LINGO2: variants seen among roughly 807,000 people sequenced by gnomAD.
LINGO2 encodes leucine rich repeat and Ig domain containing 2.
LINGO2 carries 14 observed loss-of-function variants against 30.6 expected under a neutral mutation model. That is an observed-to-expected ratio of 0.46 (90% CI 0.30 to 0.72). The LOEUF is 0.72. Ranked by LOEUF, LINGO2 falls within the 30% of genes least tolerant of loss-of-function variation. LINGO2 has a pLI of 0.07. For synonymous variants in LINGO2, 317 were observed against 288.5 expected, an observed-to-expected ratio of 1.10 and a Z score of -1.00; for missense variants, 729 against 751.7, an observed-to-expected ratio of 0.97 and a Z score of 0.35.
chr9:29,171,686 G>A, the LINGO2 span, among the ~76,000 whole-genome samples: 1 of 151,800 alleles, frequency 6.6e-6, no homozygotes, highest in Non-Finnish European at 1.5e-5. Flanking sequence ...TAATAAGGTA[G>A]AGGAATATCA....
chr9:28,617,761 A>T (rs1826205177), intron 1 of LINGO2, among the ~76,000 whole-genome samples: 1 of 152,070 alleles, frequency 6.6e-6, no homozygotes, highest in Non-Finnish European at 1.5e-5. Context: ...ACCTTACGTA[A>T]AACTTTGATT....
At chr9:28,076,347 A>C (rs1273745766) in intron 4 of LINGO2, among the ~76,000 whole-genome samples, 2 of 152,102 alleles carry the variant, frequency 1.3e-5, no homozygotes, top group African/African-American at 2.4e-5. Flanking sequence ...GAACATGCAT[A>C]CTTAATAAAA....
intron 4 of LINGO2, among the ~76,000 whole-genome samples, chr9:28,227,236 G>C: frequency 6.6e-6 from 1 of 152,028 alleles, no homozygotes; most frequent in Non-Finnish European, 1.5e-5. Context: ...GTAAAATCCA[G>C]ACATCCCCAG....
the LINGO2 span, among the ~76,000 whole-genome samples, chr9:28,786,407 T>C: frequency 3.9e-5 from 6 of 152,150 alleles, no homozygotes; most frequent in Non-Finnish European, 8.8e-5. Context: ...TTATTTATTT[T>C]TATATATTCT....
intron 4 of LINGO2, among the ~76,000 whole-genome samples, chr9:28,262,958 C>G (rs1418939029): frequency 6.6e-6 from 1 of 152,008 alleles, no homozygotes; most frequent in African/African-American, 2.4e-5. Context: ...TTACAACACA[C>G]ACATTTATTC....
At chr9:28,762,315 G>A in the LINGO2 span, among the ~76,000 whole-genome samples, 1 of 151,918 alleles carries the variant, frequency 6.6e-6, no homozygotes, top group Non-Finnish European at 1.5e-5. Context: ...ACAAAGGAAA[G>A]GAAGAAAGAG....
At chr9:28,911,588 T>C in the LINGO2 span, among the ~76,000 whole-genome samples, 1 of 152,106 alleles carries the variant, frequency 6.6e-6, no homozygotes, top group Admixed American at 6.6e-5. Context: ...CAAACAGCAA[T>C]AATATGAAAG....
chr9:28,567,717 G>A (rs985560739), intron 1 of LINGO2, among the ~76,000 whole-genome samples: 5 of 151,772 alleles, frequency 3.3e-5, no homozygotes, highest in East Asian at 1.9e-4. Flanking sequence ...TTTGGGTGAC[G>A]GGTTCATTAG....
chr9:29,084,294 A>C, the LINGO2 span, among the ~76,000 whole-genome samples: 1 of 152,098 alleles, frequency 6.6e-6, no homozygotes, highest in Non-Finnish European at 1.5e-5. Flanking sequence ...TGTGACCATC[A>C]ACCAAAAAGA....
Position 28,567,767 on chromosome 9 carries a change from G to A in LINGO2, c.-364-91742C>T, listed in dbSNP as rs1426965022. ...GCATTATACAATATACTTATGGAACGAACCTGCACATGTACTTCCTGAATC... is the reference window on the plus strand; with the variant it reads ...GCATTATACAATATACTTATGGAACAAACCTGCACATGTACTTCCTGAATC... On this transcript the variant is annotated intron_variant, in intron 1 of 5. Transcript: ENST00000379992. Among the ~76,000 whole-genome samples the A allele has an allele frequency of 4.0e-5, 6 of 151,472 alleles. No individual in the cohort carries two copies. In the East Asian group the frequency reaches 5.8e-4, roughly 15 times the overall value.
the LINGO2 span, among the ~76,000 whole-genome samples, chr9:28,890,023 C>T: frequency 6.6e-6 from 1 of 152,040 alleles, no homozygotes; most frequent in Non-Finnish European, 1.5e-5. Context: ...CATAAAGGTT[C>T]CCAGCTGGTA....
chr9:28,479,558 C>T (rs1166538351), intron 1 of LINGO2, among the ~76,000 whole-genome samples: 1 of 151,534 alleles, frequency 6.6e-6, no homozygotes, highest in African/African-American at 2.4e-5. Flanking sequence ...AGGTTTTAAT[C>T]AATTTTGAAA....
At chr9:29,208,644 TG>T in the LINGO2 span, among the ~76,000 whole-genome samples, 1 of 152,180 alleles carries the variant, frequency 6.6e-6, no homozygotes, top group Non-Finnish European at 1.5e-5. Flanking sequence ...ACTTGGCACC[TG>T]AAAGTTCTGT....
chr9:28,769,681 C>T, the LINGO2 span, among the ~76,000 whole-genome samples: 1 of 139,624 alleles, frequency 7.2e-6, no homozygotes, highest in African/African-American at 2.6e-5. Context: ...TTTTCAGGAA[C>T]TTTTTTTTTT....
At chr9:29,021,642 G>A in the LINGO2 span, among the ~76,000 whole-genome samples, 2 of 149,360 alleles carry the variant, frequency 1.3e-5, no homozygotes, top group Non-Finnish European at 3.0e-5. Context: ...GGGCAACAGT[G>A]TGAGACTCCA....
At chr9:28,391,385 T>C (rs1480456473) in intron 2 of LINGO2, among the ~76,000 whole-genome samples, 1 of 152,186 alleles carries the variant, frequency 6.6e-6, no homozygotes, top group African/African-American at 2.4e-5. Flanking sequence ...TAAATCACCT[T>C]ATTACTTATA....
At chr9:28,950,759 T>C in the LINGO2 span, among the ~76,000 whole-genome samples, 3 of 151,986 alleles carry the variant, frequency 2.0e-5, no homozygotes, top group Non-Finnish European at 4.4e-5. Context: ...CACAAACAAA[T>C]AGAAAAACCT....
intron 4 of LINGO2, among the ~76,000 whole-genome samples, chr9:28,162,784 T>G (rs1476127021): frequency 6.6e-6 from 1 of 152,142 alleles, no homozygotes; most frequent in East Asian, 1.9e-4. Context: ...AAGTTATCAC[T>G]TACATGGGAC....
chr9:28,696,420 G>A, the LINGO2 span, among the ~76,000 whole-genome samples: 1 of 151,726 alleles, frequency 6.6e-6, no homozygotes, highest in South Asian at 2.1e-4. Flanking sequence ...ATGTGGAAGG[G>A]CCTCTTAACA....
Sources: gnomAD v4.1 joint callset for allele counts (sites outside exome capture counted in the v4.1 genomes callset) on GRCh38, gnomAD v4.1.1 for gene constraint, MANE v1.5 for transcripts, NCBI Gene and HGNC (gene_info 2026-07-23, HGNC 2026-07-21) for gene names.